Variants in PCDHGB6 observed in about 807,000 individuals in gnomAD.
The protein encoded by PCDHGB6 is protocadherin gamma subfamily B, 6.
A neutral mutation model predicts 59.1 loss-of-function variants in PCDHGB6; 51 were observed. The observed-to-expected ratio is 0.86, with a 90% CI of 0.69 to 1.09. PCDHGB6 has a LOEUF of 1.09. PCDHGB6 is among the 50% of genes least tolerant of loss of function. The pLI is 0.00. For synonymous variants in PCDHGB6, 466 were observed against 495.1 expected (o/e 0.94, Z 0.78); for missense variants, 1,148 against 1,205.1 (o/e 0.95, Z 0.70).
Position 141,491,417 on chromosome 5 carries a change from G to A in PCDHGB6, c.2419-3390G>A, listed in dbSNP as rs200843744. 5 of 1,613,988 alleles carry A rather than the reference G, an allele frequency of 3.1e-6. No homozygotes were observed. The highest frequency in any genetic ancestry group is 1.1e-5 in the South Asian group (1 of 91,092). Reference sequence around the variant, plus strand: ...CAGGGAAACGCAGACGGGGACGGGGGTGGAGGGCAGTGCTGCAGGCGCCAG... The same window carrying A: ...CAGGGAAACGCAGACGGGGACGGGGATGGAGGGCAGTGCTGCAGGCGCCAG... On this transcript the variant is annotated intron_variant, in intron 1 of 3. Transcript: ENST00000520790. The surrounding 1 kb of genome is among the most constrained non-coding windows in gnomAD (Gnocchi z 6.9).
chr5:141,469,802 C>T (rs2099211446), intron 1 of PCDHGB6, among the ~76,000 whole-genome samples: 1 of 152,022 alleles, frequency 6.6e-6, no homozygotes, highest in Admixed American at 6.6e-5. Flanking sequence ...ATTGCAAAAA[C>T]ATTGTAGATA....
intron 1 of PCDHGB6, chr5:141,478,018 C>T: frequency 1.9e-6 from 3 of 1,614,124 alleles, no homozygotes; most frequent in Non-Finnish European, 2.5e-6. Context: ...CCCGTCCAGT[C>T]CAAGACACAG....
chr5:141,454,628 AC>A (rs1272822911), intron 1 of PCDHGB6, among the ~76,000 whole-genome samples: 2 of 151,334 alleles, frequency 1.3e-5, no homozygotes, highest in Non-Finnish European at 2.9e-5. Context: ...CTGGTCTCGA[AC>A]CCCCAACCTC....
At chr5:141,505,523 G>C in intron 3 of PCDHGB6, 42 bp downstream of exon 3, 2 of 1,612,760 alleles carry the variant, frequency 1.2e-6, no homozygotes, top group South Asian at 2.2e-5. Context: ...GGGAGACCTG[G>C]GGTTCTGGGG....
At chr5:141,412,779 C>A (rs966431850) in intron 1 of PCDHGB6, among the ~76,000 whole-genome samples, 6 of 152,168 alleles carry the variant, frequency 3.9e-5, no homozygotes, top group Non-Finnish European at 7.3e-5. Context: ...ACAATATTTT[C>A]ACTCCACTTT....
intron 1 of PCDHGB6, chr5:141,411,313 T>C (rs970801897): frequency 6.6e-5 from 10 of 152,224 alleles, no homozygotes; most frequent in African/African-American, 2.4e-4. Context: ...CTCACACCTA[T>C]AATCACAGCA....
chr5:141,495,032 G>T, intron 2 of PCDHGB6, 167 bp downstream of exon 2: 1 of 967,732 alleles, frequency 1.0e-6, no homozygotes, highest in Non-Finnish European at 1.2e-6. Flanking sequence ...GACCCCGGAA[G>T]GAAGAGGCGA....
At chr5:141,509,077 C>A (rs1371396735) in intron 3 of PCDHGB6, among the ~76,000 whole-genome samples, 3 of 152,242 alleles carry the variant, frequency 2.0e-5, no homozygotes, top group Admixed American at 2.0e-4. Flanking sequence ...CGGGGATTTG[C>A]GACATGAAAT....
chr5:141,494,927 G>A, intron 2 of PCDHGB6, 62 bp downstream of exon 2: 1 of 1,613,516 alleles, frequency 6.2e-7, no homozygotes, highest in Non-Finnish European at 8.5e-7. Flanking sequence ...GATGACGTGG[G>A]AGGAGATGGG....
intron 1 of PCDHGB6, among the ~76,000 whole-genome samples, chr5:141,456,866 G>A (rs2098893781): frequency 6.6e-6 from 1 of 152,170 alleles, no homozygotes; most frequent in African/African-American, 2.4e-5. Flanking sequence ...GGGAGGCTGA[G>A]GCAGGAGAAT....
At chr5:141,500,473 T>C (rs911171031) in intron 2 of PCDHGB6, among the ~76,000 whole-genome samples, 10 of 152,132 alleles carry the variant, frequency 6.6e-5, no homozygotes, top group Admixed American at 4.6e-4. Flanking sequence ...CCTCCCAAAG[T>C]GCTGGGATTA....
chr5:141,439,443 G>A (rs867907022), intron 1 of PCDHGB6, among the ~76,000 whole-genome samples: 1 of 152,164 alleles, frequency 6.6e-6, no homozygotes, highest in Non-Finnish European at 1.5e-5. Flanking sequence ...ATATTTTATT[G>A]CGGGAGCAAG....
At chr5:141,423,497 A>G in intron 1 of PCDHGB6, 4 of 1,613,940 alleles carry the variant, frequency 2.5e-6, no homozygotes, top group Non-Finnish European at 3.4e-6. Flanking sequence ...TATTCCCACG[A>G]GGTCTCTCTC....
At chr5:141,472,778 G>T (rs1244170163) in intron 1 of PCDHGB6, among the ~76,000 whole-genome samples, 1 of 151,878 alleles carries the variant, frequency 6.6e-6, no homozygotes, top group Non-Finnish European at 1.5e-5. Flanking sequence ...CTGAGGTTGG[G>T]AGTTCAAGAT....
At position 141,487,939 on chromosome 5, in the gene PCDHGB6, C is replaced by A; in HGVS notation, c.2419-6868C>A. ...AGGCTACAGTGCACAGGGTACAGTG[C>A]ACCAGGCAGTCACTTGGACAAAGGT... On this transcript the variant is annotated intron_variant, in intron 1 of 3. Coordinates refer to ENST00000520790, the MANE Select transcript of PCDHGB6 (RefSeq NM_018926.3). The surrounding 1 kb of genome is among the most constrained non-coding windows in gnomAD (Gnocchi z 5.0). The A allele has an allele frequency of 1.7e-6, 1 of 600,512 alleles. No individual in the cohort carries two copies. Among genetic ancestry groups the A allele is most frequent in the Non-Finnish European group, 2.9e-6 (1 of 343,042 alleles). The allele number at this position is 600,512 out of a possible 1,614,324, so 37.2% of individuals were successfully genotyped here.
At chr5:141,423,783 A>G in intron 1 of PCDHGB6, 1 of 1,264,712 alleles carries the variant, frequency 7.9e-7, no homozygotes, top group South Asian at 1.9e-5. Context: ...TATTTAGTTC[A>G]TATATATTTA....
In PCDHGB6 at chr5:141,477,088, C is replaced by G. The variant is rs1008530221; in HGVS notation, c.2419-17719C>G. On this transcript the variant is annotated intron_variant, in intron 1 of 3. Transcript: ENST00000520790. This position sits in a 1 kb window ranked among gnomAD's most constrained non-coding sequence, Gnocchi z 4.9. ...AACTCCATGAGATTTACATCCAGGC[C>G]AAAGACAAGGGCGCCAATCCCGAAG... The G allele has an allele frequency of 1.2e-6, 2 of 1,614,112 alleles. No individual in the cohort carries two copies. The highest frequency in any genetic ancestry group is 1.6e-4 in the Middle Eastern group (1 of 6,084).
At chr5:141,447,084 T>A (rs2098525776) in intron 1 of PCDHGB6, among the ~76,000 whole-genome samples, 1 of 152,186 alleles carries the variant, frequency 6.6e-6, no homozygotes, top group Non-Finnish European at 1.5e-5. Flanking sequence ...TTTTGTTGTT[T>A]AATTTTCTTT....
intron 3 of PCDHGB6, among the ~76,000 whole-genome samples, chr5:141,508,649 C>T (rs1303066200): frequency 6.6e-6 from 1 of 152,126 alleles, no homozygotes; most frequent in Non-Finnish European, 1.5e-5. Flanking sequence ...CCGTCAGGCC[C>T]TTCCTGTCAT....
Sources: gnomAD v4.1 joint callset for allele counts (sites outside exome capture counted in the v4.1 genomes callset) on GRCh38, gnomAD v4.1.1 for gene constraint, Gnocchi (gnomAD v3.1) non-coding constraint, MANE v1.5 for transcripts, NCBI Gene and HGNC (gene_info 2026-07-23, HGNC 2026-07-21) for gene names.